DST: variants seen among roughly 807,000 people sequenced by gnomAD.
The protein encoded by DST is bullous pemphigoid antigen.
Under a neutral mutation model 875.2 loss-of-function variants are expected in DST, and 253 were observed. That is an observed-to-expected ratio of 0.29 (90% CI 0.26 to 0.32). The LOEUF is 0.32. DST is among the 10% of genes least tolerant of loss of function. The pLI, the probability that DST is intolerant of heterozygous loss-of-function variation, is 1.00. For missense variants in DST, 8,287 were observed against 9,111.6 expected, an observed-to-expected ratio of 0.91 and a Z score of 3.68; for synonymous variants, 3,124 against 3,197.1, an observed-to-expected ratio of 0.98 and a Z score of 0.77.
chr6:56,949,681 T>C (rs1821378875), intron 2 of DST, among the ~76,000 whole-genome samples: 1 of 152,238 alleles, frequency 6.6e-6, no homozygotes, highest in Non-Finnish European at 1.5e-5. Flanking sequence ...TTACAACTTA[T>C]GGCTGATTTA....
chr6:56,481,855 A>G (rs559376574), intron 90 of DST, among the ~76,000 whole-genome samples, 195 bp downstream of exon 90: 4 of 152,232 alleles, frequency 2.6e-5, no homozygotes, highest in Non-Finnish European at 4.4e-5. Flanking sequence ...AGACAGGTAC[A>G]CATACATGTG....
chr6:56,901,652 T>C (rs1361146989), intron 2 of DST, among the ~76,000 whole-genome samples: 1 of 151,942 alleles, frequency 6.6e-6, no homozygotes, highest in African/African-American at 2.4e-5. Flanking sequence ...TATCTGTGTG[T>C]GTGTGTTTCT....
intron 4 of DST, 66 bp from the exon 5 acceptor site, chr6:56,735,355 A>G: frequency 1.1e-6 from 1 of 929,112 alleles, no homozygotes; most frequent in South Asian, 1.5e-5. Flanking sequence ...CTTTGTGATC[A>G]TGAATATAAA....
intron 86 of DST, among the ~76,000 whole-genome samples, chr6:56,488,626 C>T (rs976647508): frequency 2.0e-5 from 3 of 152,156 alleles, no homozygotes; most frequent in African/African-American, 7.2e-5. Flanking sequence ...AGATGATGGC[C>T]AGGATTTCCT....
chr6:56,617,050 A>C (rs747094760), intron 36 of DST: 1 of 1,614,076 alleles, frequency 6.2e-7, no homozygotes. Context: ...AAAGCCCTGC[A>C]ATTGAGGTGG....
rs1386870249 is a variant in DST at position 56,631,869 on chromosome 6, T to G, written c.3963+14A>C. ...GAGAGTTAGTTTTTTTCCCAACATA[T>G]TTATAGCTCTCACCTCCTGTTCTGT... On this transcript the variant is annotated intron_variant, in intron 29 of 103. Transcript: ENST00000680361. The G allele has an allele frequency of 1.9e-6, 3 of 1,613,062 alleles. No homozygotes were observed. Among genetic ancestry groups the G allele is most frequent in the Admixed American group, 1.7e-5 (1 of 59,998 alleles).
intron 2 of DST, among the ~76,000 whole-genome samples, chr6:56,952,518 CTTTAATTAAGTAA>C (rs1562512988): frequency 6.6e-6 from 1 of 152,154 alleles, no homozygotes; most frequent in Non-Finnish European, 1.5e-5. Flanking sequence ...TTTCCATAAA[CTTTAATTAAGTAA>C]TTTAATAAAG....
intron 4 of DST, chr6:56,844,194 C>G (rs2099804390): frequency 6.6e-6 from 1 of 152,354 alleles, no homozygotes. Flanking sequence ...TAGGGGACAT[C>G]CCGGGGACAG....
intron 2 of DST, among the ~76,000 whole-genome samples, chr6:56,919,380 T>G (rs1390331183): frequency 6.6e-6 from 1 of 152,202 alleles, no homozygotes; most frequent in African/African-American, 2.4e-5. Flanking sequence ...CTGAAATTAA[T>G]TTTTAAGTAT....
chr6:56,720,966 C>G (rs2099412784), intron 5 of DST, among the ~76,000 whole-genome samples: 1 of 151,986 alleles, frequency 6.6e-6, no homozygotes, highest in African/African-American at 2.4e-5. Flanking sequence ...GACGGGGCAG[C>G]CGGGCAGAGG....
At chr6:56,469,805 A>G (rs1263052300) in intron 97 of DST, 78 bp downstream of exon 97, 15 of 1,282,626 alleles carry the variant, frequency 1.2e-5, no homozygotes, top group Non-Finnish European at 1.6e-5. Flanking sequence ...GACTCCTGGA[A>G]AACAATGGAG....
chr6:56,483,200 T>C (rs1458656294), intron 88 of DST, among the ~76,000 whole-genome samples: 1 of 152,234 alleles, frequency 6.6e-6, no homozygotes, highest in African/African-American at 2.4e-5. Context: ...CATAAAACAA[T>C]GCAACAAATT....
intron 12 of DST, 132 bp downstream of exon 12, chr6:56,650,794 C>T: frequency 1.8e-6 from 1 of 562,074 alleles, no homozygotes; most frequent in Non-Finnish European, 3.2e-6. Flanking sequence ...ATCAATTCAT[C>T]AAACAGCATA....
intron 5 of DST, among the ~76,000 whole-genome samples, chr6:56,712,090 C>CAAAAAAAAAAAAAAAA (rs34769867): frequency 3.5e-3 from 265 of 76,068 alleles, no homozygotes; most frequent in Non-Finnish European, 6.7e-3. Flanking sequence ...GACTCCGTCT[C>CAAAAAAAAAAAAAAAA]AAAAAAAAAA....
In DST at chr6:56,639,351, C is replaced by A; in HGVS notation, c.2872G>T (p.Glu958Ter). 1 of 1,613,346 alleles carries A rather than the reference C, an allele frequency of 6.2e-7. No individual in the cohort carries two copies. ...ATATTTTCTTCCTTTTGATCAAGTT[C>A]TCTCATTAATTCCTTCAAGAAATAA... ...KKDYHAELMR[E>*]LDQKEENIKS... The change falls in exon 22 of 104, where the codon GAA becomes TAA. Residue 958 changes from glutamate (E) to a stop codon, truncating the protein, a stop_gained. Coordinates refer to ENST00000680361, the MANE Select transcript of DST (RefSeq NM_001374736.1). LOFTEE classifies it high-confidence loss of function.
At chr6:56,475,394 AACACACAC>A (rs35690052) in intron 92 of DST, among the ~76,000 whole-genome samples, 91 of 144,978 alleles carry the variant, frequency 6.3e-4, no homozygotes, top group African/African-American at 9.6e-4. Flanking sequence ...AGGCTTTTAA[AACACACAC>A]ACACACACAC....
chr6:56,643,909 C>T (rs1203687814), intron 15 of DST, among the ~76,000 whole-genome samples: 1 of 152,224 alleles, frequency 6.6e-6, no homozygotes, highest in Non-Finnish European at 1.5e-5. Flanking sequence ...AGAAATTAAT[C>T]ATTTTAGATA....
intron 43 of DST, 31 bp from the exon 44 acceptor site, chr6:56,601,707 G>C: frequency 7.6e-7 from 1 of 1,309,580 alleles, no homozygotes; most frequent in Admixed American, 2.4e-5. Context: ...GCTATCAGTA[G>C]AAAGTTAAGC....
chr6:56,621,815 C>T (rs757446965), intron 36 of DST, among the ~76,000 whole-genome samples: 1 of 152,150 alleles, frequency 6.6e-6, no homozygotes, highest in Non-Finnish European at 1.5e-5. Context: ...TTATTTTAGA[C>T]AGATTTGTTT....
Sources: gnomAD v4.1 joint callset for allele counts (sites outside exome capture counted in the v4.1 genomes callset) on GRCh38, gnomAD v4.1.1 for gene constraint, MANE v1.5 for transcripts, NCBI Gene and HGNC (gene_info 2026-07-23, HGNC 2026-07-21) for gene names.